Variants in UBE2Q2 observed in about 807,000 individuals in gnomAD.
UBE2Q2 encodes ubiquitin-conjugating enzyme E2 Q2.
A neutral mutation model predicts 59.9 loss-of-function variants in UBE2Q2; 54 were observed. The observed-to-expected ratio is 0.90, with a 90% CI of 0.72 to 1.13. The LOEUF is 1.13. UBE2Q2 is among the 50% of genes most tolerant of loss of function. UBE2Q2 has a pLI of 0.00. For missense variants in UBE2Q2, 433 were observed against 441.9 expected (o/e 0.98, Z 0.18); for synonymous variants, 165 against 155.2 (o/e 1.06, Z -0.47).
At chr15:75,873,373 G>A (rs1245878185) in intron 4 of UBE2Q2, 55 bp from the exon 5 acceptor site, 7 of 1,523,410 alleles carry the variant, frequency 4.6e-6, no homozygotes, top group Non-Finnish European at 6.2e-6. Flanking sequence ...TTTGGCATAA[G>A]AAACTGCTGA....
At chr15:75,849,051 A>G (rs546830586) in intron 1 of UBE2Q2, among the ~76,000 whole-genome samples, 1 of 152,306 alleles carries the variant, frequency 6.6e-6, no homozygotes, top group South Asian at 2.1e-4. Context: ...TCATGGGTAT[A>G]TGAACATTTT....
chr15:75,898,319 T>C (rs1899548248), intron 12 of UBE2Q2, among the ~76,000 whole-genome samples: 1 of 152,152 alleles, frequency 6.6e-6, no homozygotes, highest in African/African-American at 2.4e-5. Context: ...GAAAGAGTAA[T>C]AGAGTCAGAA....
intron 2 of UBE2Q2, among the ~76,000 whole-genome samples, chr15:75,856,269 G>GTGTGTGTGTGTATATATATATATATATA (rs1256142539): frequency 7.2e-6 from 1 of 139,274 alleles, no homozygotes; most frequent in African/African-American, 2.7e-5. Flanking sequence ...GTGTGTGTGT[G>GTGTGTGTGTGTATATATATATATATATA]TATATATATA....
chr15:75,871,862 G>A (rs977604286), intron 4 of UBE2Q2, among the ~76,000 whole-genome samples: 8 of 152,346 alleles, frequency 5.3e-5, no homozygotes, highest in Non-Finnish European at 1.0e-4. Flanking sequence ...ATAGTGTGCT[G>A]AGGATATTGT....
intron 2 of UBE2Q2, among the ~76,000 whole-genome samples, chr15:75,857,608 T>A (rs2141566626): frequency 6.6e-6 from 1 of 152,318 alleles, no homozygotes; most frequent in East Asian, 1.9e-4. Flanking sequence ...GCTCCTCTCT[T>A]AGTCCCCAAA....
At position 75,847,956 on chromosome 15, in the gene UBE2Q2, A is replaced by C. The variant is rs138245278; in HGVS notation, c.180+4110A>C. Among the ~76,000 whole-genome samples the C allele has an allele frequency of 9.2e-5, 14 of 152,262 alleles. No homozygotes were observed. The East Asian group carries it at 2.1e-3, about 23-fold the overall frequency. Reference sequence around the variant, plus strand: ...TTTTTGATTGGTTAATTAAATTTCTATTCATTATTGCCAAAAAGTGCCTAC... The same window carrying C: ...TTTTTGATTGGTTAATTAAATTTCTCTTCATTATTGCCAAAAAGTGCCTAC... On this transcript the variant is annotated intron_variant, in intron 1 of 12. Transcript: ENST00000267938.
At chr15:75,856,919 C>T (rs886291867) in intron 2 of UBE2Q2, among the ~76,000 whole-genome samples, 4 of 149,396 alleles carry the variant, frequency 2.7e-5, no homozygotes, top group African/African-American at 9.9e-5. Flanking sequence ...CTAGCCTGGG[C>T]GACAGAGCAA....
At position 75,890,910 on chromosome 15, in the gene UBE2Q2, C is replaced by A. The variant is rs1382757618; in HGVS notation, c.934-9C>A. 6.2e-7 allele frequency: 1 copy of A among 1,611,584 alleles called. No homozygotes were observed. Among genetic ancestry groups the A allele is most frequent in the Non-Finnish European group, 8.5e-7 (1 of 1,178,608 alleles). ...TACTGTATTTTAGAGATACTTTGTT[C>A]TTCTGTAGGGCTGGAGCAGTGCCTA... On this transcript the variant is annotated splice_polypyrimidine_tract_variant and intron_variant, in intron 10 of 12. Coordinates refer to ENST00000267938, the MANE Select transcript of UBE2Q2 (RefSeq NM_173469.4).
chr15:75,873,351 A>G, intron 4 of UBE2Q2, 77 bp from the exon 5 acceptor site: 1 of 1,398,600 alleles, frequency 7.2e-7, no homozygotes, highest in South Asian at 1.4e-5. Context: ...GTCAAGAATA[A>G]TTTAATGTTA....
chr15:75,854,245 C>G, intron 1 of UBE2Q2, 141 bp from the exon 2 acceptor site: 2 of 552,870 alleles, frequency 3.6e-6, no homozygotes, highest in Admixed American at 3.4e-5. Context: ...CAGCTCCTCA[C>G]AAGGTTTTTA....
At chr15:75,844,074 CT>C in intron 1 of UBE2Q2, 3 of 1,413,578 alleles carry the variant, frequency 2.1e-6, no homozygotes, top group Non-Finnish European at 2.8e-6. Context: ...CAGGGGCTGG[CT>C]TGGGGGCTTC....
intron 11 of UBE2Q2, among the ~76,000 whole-genome samples, 170 bp downstream of exon 11, chr15:75,891,184 T>C (rs1378235489): frequency 6.6e-6 from 1 of 152,222 alleles, no homozygotes; most frequent in African/African-American, 2.4e-5. Context: ...ATAAGAAAAT[T>C]AAAGATACTA....
intron 4 of UBE2Q2, among the ~76,000 whole-genome samples, chr15:75,870,546 A>ACTTTTTCTTTTTCCC (rs1292916933): frequency 1.3e-5 from 2 of 152,196 alleles, no homozygotes; most frequent in Non-Finnish European, 2.9e-5. Context: ...AAGTTCATGA[A>ACTTTTTCTTTTTCCC]CTTTTTCTTT....
chr15:75,843,767 T>G lies in UBE2Q2; in HGVS notation c.101T>G (p.Leu34Arg), dbSNP rs538479433. ...ATCGTCAGTTGGAAGCTGGACGAGC[T>G]GCACTGCCAGTTCCTGGTGCCGCAG... Reference protein sequence around the residue: ...FRIVSWKLDELHCQFLVPQQG... With the variant: ...FRIVSWKLDERHCQFLVPQQG... The change falls in exon 1 of 13, where the codon CTG becomes CGG. Residue 34 changes from leucine (L) to arginine (R), a missense_variant. Coordinates refer to ENST00000267938, the MANE Select transcript of UBE2Q2 (RefSeq NM_173469.4). The G allele has an allele frequency of 6.2e-7, 1 of 1,610,466 alleles. No homozygotes were observed. Among genetic ancestry groups the G allele is most frequent in the South Asian group, 1.1e-5 (1 of 90,522 alleles).
rs1464285354 is a variant in UBE2Q2 at position 75,859,942 on chromosome 15, TG to T, written c.349del (p.Asp117MetfsTer5). The T allele has an allele frequency of 6.2e-7, 1 of 1,604,696 alleles. No individual in the cohort carries two copies. Among genetic ancestry groups the T allele is most frequent in the South Asian group, 1.1e-5 (1 of 88,184 alleles). ...LCSLYNLPKHLDVEMLDQPLP... is the reference protein window; with the variant it reads ...LCSLYNLPKHXDVEMLDQPLP... ...AGTTTATATAACCTTCCTAAGCACC[TG>T]GATGTTGAGATGCTAGATCAACCAC... is the stretch of plus-strand genomic sequence containing the variant. On this transcript the variant is annotated frameshift_variant, in exon 3 of 13. Coordinates refer to ENST00000267938, the MANE Select transcript of UBE2Q2 (RefSeq NM_173469.4). LOFTEE classifies it high-confidence loss of function.
At chr15:75,891,590 AAGTT>A (rs1023029385) in intron 11 of UBE2Q2, among the ~76,000 whole-genome samples, 1 of 152,042 alleles carries the variant, frequency 6.6e-6, no homozygotes, top group Non-Finnish European at 1.5e-5. Flanking sequence ...AAGCATACAG[AAGTT>A]AGTTAGATAA....
chr15:75,874,523 A>G (rs1897968345), intron 5 of UBE2Q2, among the ~76,000 whole-genome samples: 1 of 152,074 alleles, frequency 6.6e-6, no homozygotes, highest in South Asian at 2.1e-4. Context: ...ACTTCAAGTG[A>G]TCCACCTGCC....
rs117799983 is a variant in UBE2Q2, at chr15:75,884,529, A to G, written c.884+1105A>G. ...GATACTACAGAATAGTTATTTGGGCATGGTGTCCATCTGTAAAGCTCAGAG... is the reference window on the plus strand; with the variant it reads ...GATACTACAGAATAGTTATTTGGGCGTGGTGTCCATCTGTAAAGCTCAGAG... On this transcript the variant is annotated intron_variant, in intron 9 of 12. Coordinates refer to ENST00000267938, the MANE Select transcript of UBE2Q2 (RefSeq NM_173469.4). 6.6e-5 allele frequency among the ~76,000 whole-genome samples: 10 copies of G among 152,352 alleles called. No homozygotes were observed. In the East Asian group the frequency reaches 1.3e-3, roughly 21 times the overall value.
In UBE2Q2 at chr15:75,870,534, T is replaced by TA. The variant is rs1346776259; in HGVS notation, c.447+1527dup. Among the ~76,000 whole-genome samples the TA allele has an allele frequency of 2.0e-5, 3 of 152,216 alleles. 1 individual carries two copies. Among genetic ancestry groups the TA allele is most frequent in the Admixed American group, 2.0e-4 (3 of 15,284 alleles). ...GTTTACCATGAAGCAGCCATTGTACTAAAGTTCATGAACTTTTTCTTTTTC... is the reference window on the plus strand; with the variant it reads ...GTTTACCATGAAGCAGCCATTGTACTAAAAGTTCATGAACTTTTTCTTTTTC... On this transcript the variant is annotated intron_variant, in intron 4 of 12. Transcript: ENST00000267938.
Sources: gnomAD v4.1 joint callset for allele counts (sites outside exome capture counted in the v4.1 genomes callset) on GRCh38, gnomAD v4.1.1 for gene constraint, MANE v1.5 for transcripts, NCBI Gene and HGNC (gene_info 2026-07-23, HGNC 2026-07-21) for gene names.